Variants in ROBO2 observed in about 807,000 individuals in gnomAD.
ROBO2 encodes roundabout homolog 2.
ROBO2 carries 53 observed loss-of-function variants against 160.8 expected under a neutral mutation model. The observed-to-expected ratio is 0.33, with a 90% CI of 0.26 to 0.41. The LOEUF (loss-of-function observed/expected upper bound fraction) is 0.41. ROBO2 is among the 10% of genes least tolerant of loss of function. The probability of loss-of-function intolerance (pLI) is 1.00; values close to 1 mark genes in which losing one functional copy is unlikely to be tolerated. For missense variants in ROBO2, 1,577 were observed against 1,722.4 expected, an observed-to-expected ratio of 0.92 and a Z score of 1.49; for synonymous variants, 664 against 611.7, an observed-to-expected ratio of 1.09 and a Z score of -1.26.
chr3:77,516,098 C>A (rs2089987643), intron 5 of ROBO2, among the ~76,000 whole-genome samples: 1 of 151,480 alleles, frequency 6.6e-6, no homozygotes, highest in Non-Finnish European at 1.5e-5. Flanking sequence ...TCATTCATAT[C>A]TTCATGGTTT....
intron 25 of ROBO2, among the ~76,000 whole-genome samples, chr3:77,645,177 T>C (rs921591356): frequency 2.0e-5 from 3 of 152,212 alleles, no homozygotes; most frequent in African/African-American, 7.2e-5. Flanking sequence ...TACATGAAAT[T>C]AAATATAGAG....
At chr3:77,451,647 T>A (rs1366114054) in intron 2 of ROBO2, among the ~76,000 whole-genome samples, 1 of 152,106 alleles carries the variant, frequency 6.6e-6, no homozygotes, top group Non-Finnish European at 1.5e-5. Flanking sequence ...AGCCAAAATG[T>A]GCAAAGTCTA....
At chr3:77,496,695 G>C (rs558813338) in intron 5 of ROBO2, among the ~76,000 whole-genome samples, 2 of 152,218 alleles carry the variant, frequency 1.3e-5, no homozygotes, top group South Asian at 2.1e-4. Flanking sequence ...TAATTACTAT[G>C]TAAGTAATAT....
chr3:76,798,122 G>GA (rs1420695507), intron 2 of ROBO2, among the ~76,000 whole-genome samples: 15 of 85,108 alleles, frequency 1.8e-4, no homozygotes, highest in African/African-American at 5.9e-4. Context: ...AGAAGAGAAA[G>GA]AAGAAAGAAA....
At chr3:76,815,852 G>A (rs2109054420) in intron 2 of ROBO2, among the ~76,000 whole-genome samples, 1 of 151,992 alleles carries the variant, frequency 6.6e-6, no homozygotes, top group Middle Eastern at 3.4e-3. Flanking sequence ...TTCTCCTCAA[G>A]GCTGCACTTT....
chr3:77,177,343 T>C (rs1390574302), intron 2 of ROBO2, among the ~76,000 whole-genome samples: 1 of 151,954 alleles, frequency 6.6e-6, no homozygotes, highest in African/African-American at 2.4e-5. Flanking sequence ...CATCTTATTA[T>C]TGGTAGTACA....
intron 2 of ROBO2, among the ~76,000 whole-genome samples, chr3:76,198,624 G>A (rs1437042406): frequency 1.3e-5 from 2 of 152,044 alleles, no homozygotes; most frequent in African/African-American, 4.8e-5. Context: ...TGACACTCTA[G>A]CACCTTTTAA....
exon 26 of ROBO2, chr3:77,649,229 T>C (rs2095432849): frequency 6.6e-6 from 1 of 152,180 alleles, no homozygotes. Context: ...CCATTGCAAG[T>C]TTACTTGCGT....
intron 2 of ROBO2, among the ~76,000 whole-genome samples, chr3:76,388,514 G>A (rs1455975303): frequency 1.3e-5 from 2 of 151,924 alleles, no homozygotes; most frequent in African/African-American, 2.4e-5. Context: ...CTCGCGATCC[G>A]CCCACCTCAG....
intron 2 of ROBO2, among the ~76,000 whole-genome samples, chr3:77,002,243 A>T (rs2061368899): frequency 6.6e-6 from 1 of 151,984 alleles, no homozygotes; most frequent in African/African-American, 2.4e-5. Context: ...ATGACAAATT[A>T]ATTCTAAATT....
chr3:76,652,739 T>C, intron 2 of ROBO2, among the ~76,000 whole-genome samples: 1 of 151,920 alleles, frequency 6.6e-6, no homozygotes, highest in Non-Finnish European at 1.5e-5. Context: ...AAAATACAGC[T>C]GAAAGTCATG....
intron 2 of ROBO2, among the ~76,000 whole-genome samples, chr3:76,404,725 C>CA (rs748618424): frequency 2.0e-5 from 3 of 150,968 alleles, no homozygotes; most frequent in Non-Finnish European, 3.0e-5. Flanking sequence ...GAGTAGCTAT[C>CA]AAAAAACATA....
intron 2 of ROBO2, among the ~76,000 whole-genome samples, chr3:77,179,214 G>A (rs1042539189): frequency 2.0e-5 from 3 of 150,500 alleles, no homozygotes; most frequent in South Asian, 2.1e-4. Context: ...TGCCCTTCAC[G>A]CGCTTAATAA....
At chr3:77,211,907 G>C (rs2084225169) in intron 2 of ROBO2, among the ~76,000 whole-genome samples, 2 of 152,072 alleles carry the variant, frequency 1.3e-5, no homozygotes, top group African/African-American at 4.8e-5. Flanking sequence ...TTATTTCTGA[G>C]GGCTCTGTTC....
intron 2 of ROBO2, among the ~76,000 whole-genome samples, chr3:77,455,634 G>T (rs1235257879): frequency 6.6e-6 from 1 of 151,970 alleles, no homozygotes; most frequent in African/African-American, 2.4e-5. Flanking sequence ...GTTTCACCAT[G>T]TTGGCCAGGA....
chr3:76,555,613 C>T (rs1655341353), intron 2 of ROBO2, among the ~76,000 whole-genome samples: 1 of 152,112 alleles, frequency 6.6e-6, no homozygotes, highest in Admixed American at 6.5e-5. Flanking sequence ...ATTAAGATGG[C>T]TCTTTGAATT....
chr3:77,018,517 C>T (rs2062425866), intron 2 of ROBO2, among the ~76,000 whole-genome samples: 1 of 152,088 alleles, frequency 6.6e-6, no homozygotes, highest in Non-Finnish European at 1.5e-5. Context: ...AGGCTATATC[C>T]TCTTAACACA....
chr3:76,835,816 C>T (rs978224562), intron 2 of ROBO2, among the ~76,000 whole-genome samples: 2 of 151,832 alleles, frequency 1.3e-5, no homozygotes, highest in African/African-American at 4.8e-5. Flanking sequence ...GAATAAATTA[C>T]GTTTCACCTG....
intron 2 of ROBO2, among the ~76,000 whole-genome samples, chr3:76,506,449 A>T (rs1364685934): frequency 6.6e-6 from 1 of 151,972 alleles, no homozygotes; most frequent in Non-Finnish European, 1.5e-5. Context: ...TTGCCCCTGG[A>T]TATTAATTTG....
Sources: gnomAD v4.1 joint callset for allele counts (sites outside exome capture counted in the v4.1 genomes callset) on GRCh38, gnomAD v4.1.1 for gene constraint, MANE v1.5 for transcripts, NCBI Gene and HGNC (gene_info 2026-07-23, HGNC 2026-07-21) for gene names.